CDK5RAP2: variants seen among roughly 807,000 people sequenced by gnomAD.
The protein encoded by CDK5RAP2 is CDK5 regulatory subunit-associated protein 2.
Under a neutral mutation model 232.9 loss-of-function variants are expected in CDK5RAP2, and 147 were observed. That is an observed-to-expected ratio of 0.63 (90% CI 0.55 to 0.72). The LOEUF (loss-of-function observed/expected upper bound fraction) is 0.72. Ranked by LOEUF, CDK5RAP2 falls within the 30% of genes least tolerant of loss-of-function variation. CDK5RAP2 has a pLI of 0.00. For missense variants in CDK5RAP2, 2,195 were observed against 2,231.5 expected (o/e 0.98, Z 0.33); for synonymous variants, 833 against 833.7 (o/e 1.00, Z 0.01).
chr9:120,435,299 C>G (rs2035510714), intron 25 of CDK5RAP2, among the ~76,000 whole-genome samples: 1 of 152,016 alleles, frequency 6.6e-6, no homozygotes, highest in Non-Finnish European at 1.5e-5. Flanking sequence ...TATTACAGAA[C>G]TGAGTAAATC....
rs202088161 is a variant in CDK5RAP2, at chr9:120,560,983, GA to G, written c.195+7337del. On this transcript the variant is annotated intron_variant, in intron 3 of 37. Coordinates refer to ENST00000349780, the MANE Select transcript of CDK5RAP2 (RefSeq NM_018249.6). ...ACACAGTAAAGCCTTTTTTAAAAAGGAAAAAAAAAAATTGGCTTCTCAGGCC... is the reference window on the plus strand; with the variant it reads ...ACACAGTAAAGCCTTTTTTAAAAAGGAAAAAAAAAATTGGCTTCTCAGGCC... Among the ~76,000 whole-genome samples, 1,040 of 145,940 alleles carry G rather than the reference GA, an allele frequency of 7.1e-3. 16 individuals carry two copies. Among genetic ancestry groups the G allele is most frequent in the African/African-American group, 0.024 (941 of 39,998 alleles).
chr9:120,423,666 A>G (rs2034706142), intron 25 of CDK5RAP2, among the ~76,000 whole-genome samples: 1 of 152,220 alleles, frequency 6.6e-6, no homozygotes, highest in Non-Finnish European at 1.5e-5. Flanking sequence ...GCAGGCTGGG[A>G]TGAGCTCTTT....
chr9:120,476,805 G>A (rs1011300847), intron 15 of CDK5RAP2, among the ~76,000 whole-genome samples: 5 of 152,126 alleles, frequency 3.3e-5, no homozygotes, highest in Non-Finnish European at 5.9e-5. Flanking sequence ...AAGTGGGAGA[G>A]TCAGGGCTAG....
intron 17 of CDK5RAP2, among the ~76,000 whole-genome samples, chr9:120,469,230 G>T (rs1299278633): frequency 1.3e-5 from 2 of 152,122 alleles, no homozygotes; most frequent in Non-Finnish European, 2.9e-5. Flanking sequence ...GTGGAGACCT[G>T]GGCAAACTCC....
intron 18 of CDK5RAP2, among the ~76,000 whole-genome samples, chr9:120,463,297 G>A (rs1385536113): frequency 6.6e-6 from 1 of 152,152 alleles, no homozygotes; most frequent in Non-Finnish European, 1.5e-5. Context: ...CATGAACCCG[G>A]GAGGCGGAGC....
intron 14 of CDK5RAP2, among the ~76,000 whole-genome samples, chr9:120,485,043 T>C (rs960294207): frequency 3.7e-4 from 56 of 152,154 alleles, no homozygotes; most frequent in Non-Finnish European, 7.4e-4. Flanking sequence ...CTATCTACAA[T>C]TTGCAATTCA....
chr9:120,426,493 A>G (rs1224789256), intron 25 of CDK5RAP2, among the ~76,000 whole-genome samples: 2 of 152,218 alleles, frequency 1.3e-5, no homozygotes, highest in Non-Finnish European at 2.9e-5. Context: ...GTTATTATCT[A>G]AAGACCTGGA....
In CDK5RAP2 at chr9:120,580,149, C is replaced by T. The variant is rs566128091; in HGVS notation, c.-171G>A. 8.6e-6 allele frequency: 5 copies of T among 584,514 alleles called. No homozygotes were observed. Among genetic ancestry groups the T allele is most frequent in the African/African-American group, 1.9e-5 (1 of 53,204 alleles). The allele number at this position is 584,514 out of a possible 1,614,324, so 36.2% of individuals were successfully genotyped here. On this transcript the variant is annotated 5_prime_UTR_variant, in exon 1 of 38. Transcript: ENST00000349780. Reference sequence around the variant, plus strand: ...CCACAGACGCCGCCATCTTTCCCGGCGCTTCTTCCTACGGAAACGAGGCGG... The same window carrying T: ...CCACAGACGCCGCCATCTTTCCCGGTGCTTCTTCCTACGGAAACGAGGCGG...
At chr9:120,460,112 G>A (rs1178738607) in intron 19 of CDK5RAP2, among the ~76,000 whole-genome samples, 3 of 152,174 alleles carry the variant, frequency 2.0e-5, no homozygotes, top group Non-Finnish European at 4.4e-5. Context: ...AGGAAGGGGA[G>A]CTAAGTTCCA....
rs2040975118 is a variant in CDK5RAP2, at chr9:120,527,874, T to C, written c.931A>G (p.Lys311Glu). 3 of 1,613,810 alleles carry C rather than the reference T, an allele frequency of 1.9e-6. No homozygotes were observed. The highest frequency in any genetic ancestry group is 1.6e-4 in the Middle Eastern group (1 of 6,082). The change falls in exon 10 of 38, where the codon AAA (lysine) becomes GAA (glutamate). Residue 311 changes from lysine to glutamate, a missense_variant. Physicochemically the swap from Lys to Glu is moderately conservative, Grantham distance 56. Transcript: ENST00000349780. ...EKEREIATEKKNSLKRDKAIQ... is the reference protein window; with the variant it reads ...EKEREIATEKENSLKRDKAIQ... ...GCTTTATCCCTCTTTAGACTATTTTTCTTCTCTGTAGCAATTTCTCTTTCC... is the reference window on the plus strand; with the variant it reads ...GCTTTATCCCTCTTTAGACTATTTTCCTTCTCTGTAGCAATTTCTCTTTCC...
At chr9:120,440,628 T>G (rs3739824) in intron 23 of CDK5RAP2, among the ~76,000 whole-genome samples, 2 of 152,122 alleles carry the variant, frequency 1.3e-5, no homozygotes, top group African/African-American at 4.8e-5. Flanking sequence ...AGTAAAAATT[T>G]TAAGTGGCTT....
chr9:120,411,411 A>G lies in CDK5RAP2; in HGVS notation c.4361T>C (p.Phe1454Ser). The G allele has an allele frequency of 1.9e-6, 3 of 1,613,748 alleles. No homozygotes were observed. Among genetic ancestry groups the G allele is most frequent in the Non-Finnish European group, 1.7e-6 (2 of 1,179,640 alleles). Residue 1454 changes from phenylalanine (F) to serine (S), a missense_variant, in exon 29 of 38, where the codon TTC becomes TCC. Physicochemically the swap from Phe to Ser is radical, Grantham distance 155. Transcript: ENST00000349780. ...GAGGGCCTGGTTCTGCTTCCTCAAG[A>G]AATGAATTTCTGATGTTAGAGAACT... ...LHSSLTSEIH[F>S]LRKQNQALNA... is the part of the protein sequence containing the mutation.
chr9:120,505,352 G>T (rs1046223235), intron 12 of CDK5RAP2, among the ~76,000 whole-genome samples: 1 of 152,108 alleles, frequency 6.6e-6, no homozygotes, highest in African/African-American at 2.4e-5. Context: ...ACGGATAAAA[G>T]TGTATTCCAA....
At chr9:120,517,990 C>A in intron 12 of CDK5RAP2, 1 of 213,166 alleles carries the variant, frequency 4.7e-6, no homozygotes, top group South Asian at 6.6e-5. Flanking sequence ...AATCTAAATG[C>A]CGTTCAAAAA....
chr9:120,414,338 T>C (rs1480360266), intron 28 of CDK5RAP2, among the ~76,000 whole-genome samples: 2 of 152,128 alleles, frequency 1.3e-5, no homozygotes, highest in African/African-American at 4.8e-5. Context: ...CTTTTCTGAG[T>C]GCGCCAAGCT....
intron 15 of CDK5RAP2, among the ~76,000 whole-genome samples, chr9:120,476,047 A>G (rs915205586): frequency 1.2e-4 from 18 of 152,124 alleles, no homozygotes; most frequent in African/African-American, 2.4e-5. Flanking sequence ...AAGTAGGGGA[A>G]AGGTTGGGAA....
chr9:120,499,535 AT>A (rs1216995153), intron 12 of CDK5RAP2, among the ~76,000 whole-genome samples: 1 of 152,120 alleles, frequency 6.6e-6, no homozygotes, highest in Non-Finnish European at 1.5e-5. Flanking sequence ...GTAAAGTAAC[AT>A]TTTTTTAAAT....
intron 5 of CDK5RAP2, among the ~76,000 whole-genome samples, chr9:120,542,495 C>CA (rs369756744): frequency 0.27 from 24,823 of 93,072 alleles, 2,319 homozygotes; most frequent in Middle Eastern, 0.36. Flanking sequence ...GACTCCATCT[C>CA]AAAAAAAAAA....
chr9:120,405,742 A>C (rs940832978), intron 32 of CDK5RAP2, among the ~76,000 whole-genome samples: 11 of 152,226 alleles, frequency 7.2e-5, no homozygotes, highest in Admixed American at 4.6e-4. Flanking sequence ...AAGCATATTA[A>C]CATTGATGTC....
Sources: gnomAD v4.1 joint callset for allele counts (sites outside exome capture counted in the v4.1 genomes callset) on GRCh38, gnomAD v4.1.1 for gene constraint, MANE v1.5 for transcripts, NCBI Gene and HGNC (gene_info 2026-07-23, HGNC 2026-07-21) for gene names.